ERICH5: variants seen among roughly 807,000 people sequenced by gnomAD.
The protein encoded by ERICH5 is glutamate rich 5.
ERICH5 carries 24 observed loss-of-function variants against 28.0 expected under a neutral mutation model. That is an observed-to-expected ratio of 0.86 (90% CI 0.62 to 1.21). The LOEUF (loss-of-function observed/expected upper bound fraction) is 1.21, where lower values mean the gene tolerates loss of function less well. ERICH5 is among the 50% of genes most tolerant of loss of function. ERICH5 has a pLI of 0.00. For synonymous variants in ERICH5, 163 were observed against 157.6 expected (o/e 1.03, Z -0.25); for missense variants, 421 against 441.2 (o/e 0.95, Z 0.41).
chr8:98,071,148 G>C (rs1814911239), intron 1 of ERICH5, among the ~76,000 whole-genome samples: 1 of 152,014 alleles, frequency 6.6e-6, no homozygotes, highest in Non-Finnish European at 1.5e-5. Flanking sequence ...GTGGTAGCTA[G>C]GACCCGTAAT....
At chr8:98,084,037 T>G (rs1057080422) in intron 1 of ERICH5, among the ~76,000 whole-genome samples, 7 of 148,852 alleles carry the variant, frequency 4.7e-5, no homozygotes, top group Admixed American at 7.0e-5. Flanking sequence ...CACACCACCA[T>G]GCCCAGCTAA....
At chr8:98,088,928 A>G in intron 1 of ERICH5, 148 bp from the exon 2 acceptor site, 1 of 623,296 alleles carries the variant, frequency 1.6e-6, no homozygotes, top group Non-Finnish European at 2.8e-6. Flanking sequence ...TGTTAGGGTC[A>G]TGGTATGGCC....
intron 1 of ERICH5, among the ~76,000 whole-genome samples, chr8:98,065,321 A>G (rs1276136455): frequency 1.3e-5 from 2 of 152,234 alleles, no homozygotes; most frequent in Admixed American, 1.3e-4. Context: ...AATCCAGAGG[A>G]GCATTCACTC....
intron 1 of ERICH5, among the ~76,000 whole-genome samples, chr8:98,066,805 A>G (rs895424378): frequency 6.6e-6 from 1 of 152,198 alleles, no homozygotes; most frequent in Non-Finnish European, 1.5e-5. Flanking sequence ...TTTCAGCTTC[A>G]TGATCTTAGG....
At chr8:98,077,871 A>G (rs1815087866) in intron 1 of ERICH5, among the ~76,000 whole-genome samples, 1 of 152,146 alleles carries the variant, frequency 6.6e-6, no homozygotes, top group Admixed American at 6.6e-5. Flanking sequence ...TGCCTAGCCT[A>G]TTCTTGTTTC....
intron 1 of ERICH5, among the ~76,000 whole-genome samples, chr8:98,069,701 A>G (rs1044178258): frequency 6.6e-6 from 1 of 152,242 alleles, no homozygotes; most frequent in Non-Finnish European, 1.5e-5. Context: ...AATGTGTGCA[A>G]GTATATCTGT....
rs761435806 is a variant in ERICH5, at chr8:98,093,227, CAG to C, written c.1020_1021del (p.Glu342LysfsTer9). On this transcript the variant is annotated frameshift_variant, in exon 3 of 3. Transcript: ENST00000318528. LOFTEE classifies it high-confidence loss of function. ...CCTTTGGTTACTTTTCCAGGTGAGA[CAG>C]GGGAAAAGGTGGAAACAGACATGGA... 127 of 1,609,552 alleles carry C rather than the reference CAG, an allele frequency of 7.9e-5. No homozygotes were observed. The highest frequency in any genetic ancestry group is 1.0e-4 in the Non-Finnish European group (122 of 1,177,118).
chr8:98,067,952 T>C (rs1307128683), intron 1 of ERICH5, among the ~76,000 whole-genome samples: 1 of 152,086 alleles, frequency 6.6e-6, no homozygotes, highest in Non-Finnish European at 1.5e-5. Flanking sequence ...ATTATGATTC[T>C]AAATATTAGT....
intron 1 of ERICH5, among the ~76,000 whole-genome samples, chr8:98,086,467 G>A (rs1815281004): frequency 1.3e-5 from 2 of 152,040 alleles, no homozygotes; most frequent in South Asian, 2.1e-4. Context: ...ATGATAATAC[G>A]TGAACTCCTA....
At chr8:98,085,116 T>TGGTGTGAA (rs1815249500) in intron 1 of ERICH5, among the ~76,000 whole-genome samples, 1 of 149,408 alleles carries the variant, frequency 6.7e-6, no homozygotes, top group Non-Finnish European at 1.5e-5. Flanking sequence ...TCGTATTCCC[T>TGGTGTGAA]GGTGTGAACG....
At chr8:98,066,923 AT>A (rs1191257590) in intron 1 of ERICH5, among the ~76,000 whole-genome samples, 2 of 152,220 alleles carry the variant, frequency 1.3e-5, no homozygotes, top group Admixed American at 1.3e-4. Context: ...GTTCAAGTTT[AT>A]TACATGTCTG....
intron 1 of ERICH5, among the ~76,000 whole-genome samples, chr8:98,086,640 A>G (rs1298143544): frequency 6.6e-6 from 1 of 152,210 alleles, no homozygotes; most frequent in East Asian, 1.9e-4. Flanking sequence ...AATAATTAAT[A>G]TATAATCACT....
intron 1 of ERICH5, among the ~76,000 whole-genome samples, chr8:98,087,583 C>A (rs1815304807): frequency 1.3e-5 from 2 of 152,042 alleles, no homozygotes; most frequent in Admixed American, 1.3e-4. Context: ...TTTCCTCCCC[C>A]ATCATTTGTG....
intron 1 of ERICH5, among the ~76,000 whole-genome samples, chr8:98,085,504 T>A (rs1815260259): frequency 6.6e-6 from 1 of 152,140 alleles, no homozygotes; most frequent in East Asian, 1.9e-4. Context: ...TGATGGACAC[T>A]TGGGTTGTTT....
At chr8:98,069,799 A>G (rs1814879098) in intron 1 of ERICH5, among the ~76,000 whole-genome samples, 1 of 152,146 alleles carries the variant, frequency 6.6e-6, no homozygotes, top group Non-Finnish European at 1.5e-5. Context: ...GTGTTCTGTA[A>G]GACTTGAAGC....
chr8:98,064,766 G>C (rs1260992290), intron 1 of ERICH5, 39 bp downstream of exon 1: 2 of 1,513,152 alleles, frequency 1.3e-6, no homozygotes, highest in Admixed American at 4.0e-5. Context: ...CCGGGCTGGG[G>C]ACTCGGGTGG....
intron 2 of ERICH5, among the ~76,000 whole-genome samples, chr8:98,091,925 C>T (rs1158323573): frequency 1.5e-5 from 1 of 66,460 alleles, no homozygotes; most frequent in Non-Finnish European, 3.0e-5. Flanking sequence ...TTCTTCCTTT[C>T]TTTCTTTCTT....
At chr8:98,085,210 G>GA (rs1358139219) in intron 1 of ERICH5, among the ~76,000 whole-genome samples, 1 of 117,234 alleles carries the variant, frequency 8.5e-6, no homozygotes, top group Non-Finnish European at 1.6e-5. Context: ...GCCCAGGCTG[G>GA]AGTGCAGTGA....
chr8:98,074,601 GT>G (rs1369118766), intron 1 of ERICH5, among the ~76,000 whole-genome samples: 1 of 151,690 alleles, frequency 6.6e-6, no homozygotes. Context: ...GTCTCACTAT[GT>G]TACCCAGGCT....
Sources: allele counts gnomAD v4.1 joint callset (sites outside exome capture counted in the v4.1 genomes callset), GRCh38; gene constraint gnomAD v4.1.1; transcripts MANE v1.5; gene names NCBI Gene and HGNC (gene_info 2026-07-23, HGNC 2026-07-21).